XRCC4: variants seen among roughly 807,000 people sequenced by gnomAD.
The protein encoded by XRCC4 is DNA repair protein XRCC4.
XRCC4 carries 28 observed loss-of-function variants against 39.1 expected under a neutral mutation model. The observed-to-expected ratio is 0.72, with a 90% CI of 0.53 to 0.98. The LOEUF (loss-of-function observed/expected upper bound fraction) is 0.98. Among genes scored for constraint, XRCC4 ranks in the 50% least tolerant of loss-of-function variants. XRCC4 has a pLI of 0.00. For synonymous variants in XRCC4, 123 were observed against 126.4 expected (o/e 0.97, Z 0.18); for missense variants, 350 against 376.4 (o/e 0.93, Z 0.58).
At position 83,264,127 on chromosome 5, in the gene XRCC4, A is replaced by G. The variant is rs112965591; in HGVS notation, c.893+5450A>G. On this transcript the variant is annotated intron_variant, in intron 7 of 7. Coordinates refer to ENST00000396027, the MANE Select transcript of XRCC4 (RefSeq NM_003401.5). ...GTCTTCCTGAACCTACAAAAGCTCA[A>G]TTCTTTATTTTGTTATGCCGGATGC... Among the ~76,000 whole-genome samples the G allele has an allele frequency of 8.2e-3, 1,246 of 152,292 alleles. 16 individuals are homozygous for G. The highest frequency in any genetic ancestry group is 0.072 in the East Asian group (373 of 5,176).
intron 7 of XRCC4, among the ~76,000 whole-genome samples, chr5:83,291,631 T>C (rs954151101): frequency 1.3e-5 from 2 of 151,892 alleles, no homozygotes; most frequent in Non-Finnish European, 1.5e-5. Flanking sequence ...GTGCTATGTG[T>C]GCTCTACTTC....
At chr5:83,364,002 G>A in the XRCC4 span, among the ~76,000 whole-genome samples, 1 of 152,152 alleles carries the variant, frequency 6.6e-6, no homozygotes, top group Non-Finnish European at 1.5e-5. Context: ...ACCAGATCTG[G>A]ATCCAGTCCA....
At chr5:83,131,896 G>T (rs991841192) in intron 3 of XRCC4, among the ~76,000 whole-genome samples, 30 of 152,092 alleles carry the variant, frequency 2.0e-4, no homozygotes, top group Non-Finnish European at 3.8e-4. Flanking sequence ...GGTTCATATT[G>T]TTATGTGTGA....
chr5:83,149,862 A>G (rs1298369237), intron 3 of XRCC4, among the ~76,000 whole-genome samples: 4 of 152,164 alleles, frequency 2.6e-5, no homozygotes, highest in Admixed American at 2.6e-4. Flanking sequence ...CAGAGAGTCC[A>G]GTTAGAGATT....
chr5:83,316,192 G>T (rs1339538997), intron 7 of XRCC4, among the ~76,000 whole-genome samples: 1 of 152,028 alleles, frequency 6.6e-6, no homozygotes, highest in Non-Finnish European at 1.5e-5. Flanking sequence ...AGTGTAGTCT[G>T]CAGTCTTACA....
intron 3 of XRCC4, among the ~76,000 whole-genome samples, chr5:83,186,516 A>G (rs1242624148): frequency 2.6e-5 from 4 of 152,160 alleles, no homozygotes; most frequent in African/African-American, 7.2e-5. Context: ...TTGTGATTAC[A>G]TTGGGCCCAC....
chr5:83,194,130 GTCT>G (rs1750835448), intron 3 of XRCC4, among the ~76,000 whole-genome samples: 3 of 152,092 alleles, frequency 2.0e-5, no homozygotes, highest in South Asian at 2.1e-4. Context: ...ACTAAACACT[GTCT>G]TTACAACACT....
At chr5:83,300,579 C>CT (rs1755246580) in intron 7 of XRCC4, among the ~76,000 whole-genome samples, 1 of 46,772 alleles carries the variant, frequency 2.1e-5, no homozygotes. Context: ...TGTGTGTGTC[C>CT]CTTTTTTTTT....
intron 3 of XRCC4, among the ~76,000 whole-genome samples, chr5:83,146,403 A>G (rs1017394513): frequency 6.6e-6 from 1 of 152,212 alleles, no homozygotes; most frequent in African/African-American, 2.4e-5. Context: ...ATGATCTCAT[A>G]CTTACCTTTC....
chr5:83,353,254 A>T lies in XRCC4; in HGVS notation c.*12A>T. The T allele has an allele frequency of 6.4e-7, 1 of 1,567,028 alleles. No homozygotes were observed. The highest frequency in any genetic ancestry group is 8.7e-7 in the Non-Finnish European group (1 of 1,152,840). ...TTGATGAGATTTAACAGTCTCAAAA[A>T]ATACTTTGATGTTCACTAGACTATG... On this transcript the variant is annotated 3_prime_UTR_variant, in exon 8 of 8. Coordinates refer to ENST00000396027, the MANE Select transcript of XRCC4 (RefSeq NM_003401.5).
At chr5:83,114,756 G>A (rs1305909700) in intron 3 of XRCC4, among the ~76,000 whole-genome samples, 1 of 152,100 alleles carries the variant, frequency 6.6e-6, no homozygotes, top group African/African-American at 2.4e-5. Flanking sequence ...CTGTTACCCA[G>A]TTCCGAAGTT....
chr5:83,248,971 C>T (rs1753211359), intron 6 of XRCC4, among the ~76,000 whole-genome samples: 1 of 151,892 alleles, frequency 6.6e-6, no homozygotes, highest in African/African-American at 2.4e-5. Flanking sequence ...CTTTTTGACC[C>T]AATACTAACT....
At chr5:83,262,844 T>A (rs1753806677) in intron 7 of XRCC4, among the ~76,000 whole-genome samples, 1 of 141,942 alleles carries the variant, frequency 7.0e-6, no homozygotes, top group Non-Finnish European at 1.5e-5. Flanking sequence ...CAGTCTTTTT[T>A]TTTTTTTTTT....
intron 3 of XRCC4, among the ~76,000 whole-genome samples, chr5:83,182,334 T>G (rs1403617913): frequency 6.6e-6 from 1 of 152,200 alleles, no homozygotes; most frequent in Non-Finnish European, 1.5e-5. Context: ...CTCACTCACA[T>G]AAATAAATAT....
chr5:83,369,562 G>C, the XRCC4 span, among the ~76,000 whole-genome samples: 2 of 152,138 alleles, frequency 1.3e-5, no homozygotes, highest in Non-Finnish European at 2.9e-5. Flanking sequence ...CATTCAGATT[G>C]CTGCAAAGAA....
intron 6 of XRCC4, among the ~76,000 whole-genome samples, chr5:83,258,119 G>A (rs1319787873): frequency 2.0e-5 from 3 of 151,944 alleles, no homozygotes; most frequent in Non-Finnish European, 4.4e-5. Flanking sequence ...GCACACCACC[G>A]TGGCACTTGT....
chr5:83,357,748 T>A (rs1022873935), downstream of XRCC4, among the ~76,000 whole-genome samples: 1 of 152,120 alleles, frequency 6.6e-6, no homozygotes, highest in Non-Finnish European at 1.5e-5. Context: ...AAATCGAAGG[T>A]CATAGGGCCC....
intron 7 of XRCC4, among the ~76,000 whole-genome samples, chr5:83,316,298 C>T (rs183621514): frequency 3.3e-5 from 5 of 152,182 alleles, no homozygotes; most frequent in East Asian, 3.9e-4. Flanking sequence ...CATCAACTAA[C>T]GAGCAAAATC....
the XRCC4 span, among the ~76,000 whole-genome samples, chr5:83,371,406 C>T: frequency 6.6e-6 from 1 of 152,146 alleles, no homozygotes; most frequent in Non-Finnish European, 1.5e-5. Flanking sequence ...TTTACTGTTC[C>T]ATTCCTTGTA....
Sources: gnomAD v4.1 joint callset for allele counts (sites outside exome capture counted in the v4.1 genomes callset) on GRCh38, gnomAD v4.1.1 for gene constraint, MANE v1.5 for transcripts, NCBI Gene and HGNC (gene_info 2026-07-23, HGNC 2026-07-21) for gene names.